Variants in ZNF850 observed in about 807,000 individuals in gnomAD.
ZNF850 encodes putative zinc finger protein ENSP00000330994.
In ZNF850, 2 loss-of-function variants were observed where a neutral mutation model predicts 11.9. The observed-to-expected ratio is 0.17, with a 90% confidence interval of 0.07 to 0.53. The LOEUF (loss-of-function observed/expected upper bound fraction) is 0.53, where lower values mean the gene tolerates loss of function less well. ZNF850 is among the 20% of genes least tolerant of loss of function. The pLI is 0.94. For synonymous variants in ZNF850, 381 were observed against 443.0 expected (o/e 0.86, Z 1.76); for missense variants, 1,014 against 1,316.4 (o/e 0.77, Z 3.55).
At chr19:36,753,230 C>T (rs1222800262) in intron 4 of ZNF850, among the ~76,000 whole-genome samples, 1 of 142,550 alleles carries the variant, frequency 7.0e-6, no homozygotes, top group African/African-American at 2.6e-5. Flanking sequence ...AATTGTGCCA[C>T]TGCATTCCAG....
At chr19:36,757,261 C>T (rs1600610461) in intron 4 of ZNF850, among the ~76,000 whole-genome samples, 2 of 151,922 alleles carry the variant, frequency 1.3e-5, no homozygotes, top group South Asian at 2.1e-4. Flanking sequence ...GTAGATCCGT[C>T]GTGATTATGT....
chr19:36,769,175 T>C (rs1227344573), intron 1 of ZNF850, among the ~76,000 whole-genome samples: 1 of 145,360 alleles, frequency 6.9e-6, no homozygotes, highest in Non-Finnish European at 1.5e-5. Context: ...ACAGGAAGAC[T>C]CACTTGAACC....
chr19:36,764,935 C>T (rs1376858257), intron 1 of ZNF850, among the ~76,000 whole-genome samples: 1 of 151,984 alleles, frequency 6.6e-6, no homozygotes. Flanking sequence ...GATCCACCCA[C>T]CTTGGCTCCC....
At chr19:36,761,522 A>G in intron 4 of ZNF850, 121 bp downstream of exon 4, 1 of 508,416 alleles carries the variant, frequency 2.0e-6, no homozygotes, top group South Asian at 3.4e-5. Flanking sequence ...GTCTTAGGCC[A>G]CCACCCTTAC....
Position 36,752,831 on chromosome 19 carries a change from G to T in ZNF850, c.236-2027C>A, listed in dbSNP as rs116415273. On this transcript the variant is annotated intron_variant, in intron 4 of 4. Coordinates refer to ENST00000591344, the MANE Select transcript of ZNF850 (RefSeq NM_001193552.2). ...TTAAAAGTCATAAAGAAAAGTCAAAGAATTCATTTGTCTTCCTGAAAGTAA... is the reference window on the plus strand; with the variant it reads ...TTAAAAGTCATAAAGAAAAGTCAAATAATTCATTTGTCTTCCTGAAAGTAA... Among the ~76,000 whole-genome samples the T allele has an allele frequency of 4.1e-3, 622 of 152,218 alleles. 5 individuals carry two copies. Among genetic ancestry groups the T allele is most frequent in the African/African-American group, 0.014 (592 of 41,550 alleles).
In ZNF850 at chr19:36,748,227, G is replaced by C. The variant is rs2040425367; in HGVS notation, c.2813C>G (p.Ser938Ter). The C allele has an allele frequency of 6.4e-7, 1 of 1,552,188 alleles. No individual in the cohort carries two copies. The highest frequency in any genetic ancestry group is 8.7e-7 in the Non-Finnish European group (1 of 1,151,812). Residue 938 changes from serine (S) to a stop codon, truncating the protein, a stop_gained, in exon 5 of 5, where the codon TCA (serine) becomes TGA (stop). Coordinates refer to ENST00000591344, the MANE Select transcript of ZNF850 (RefSeq NM_001193552.2). LOFTEE classifies it low-confidence loss of function (END_TRUNC). ...HECGKAFVRF[S>*]GLTKHHSIHT... Reference sequence around the variant, plus strand: ...AATACTGTGATGTTTGGTGAGTCCTGAGAAACGGACAAAGGCTTTTCCACA... The same window carrying C: ...AATACTGTGATGTTTGGTGAGTCCTCAGAAACGGACAAAGGCTTTTCCACA...
intron 4 of ZNF850, among the ~76,000 whole-genome samples, chr19:36,756,675 A>G (rs1263545130): frequency 6.6e-6 from 1 of 152,012 alleles, no homozygotes; most frequent in Non-Finnish European, 1.5e-5. Flanking sequence ...GTACAATGGC[A>G]TGATCTTGGC....
chr19:36,771,338 C>A (rs1374714083), intron 1 of ZNF850, among the ~76,000 whole-genome samples: 11 of 152,138 alleles, frequency 7.2e-5, no homozygotes, highest in Admixed American at 7.2e-4. Flanking sequence ...GGCCCTGGGA[C>A]CTTAGCCCGG....
intron 1 of ZNF850, among the ~76,000 whole-genome samples, chr19:36,769,643 T>C (rs1264545291): frequency 1.3e-5 from 2 of 152,160 alleles, no homozygotes; most frequent in Admixed American, 6.6e-5. Flanking sequence ...GCGATGGAGT[T>C]GATGGATTCG....
rs769839962 is a variant in ZNF850, at chr19:36,743,582, A to ATGT, written c.*4182_*4184dup. 7 of 151,976 alleles carry ATGT rather than the reference A, an allele frequency of 4.6e-5. No homozygotes were observed. The highest frequency in any genetic ancestry group is 8.8e-5 in the Non-Finnish European group (6 of 68,018). The allele number at this position is 151,976 out of a possible 1,614,324, so 9.4% of individuals were successfully genotyped here. On this transcript the variant is annotated 3_prime_UTR_variant, in exon 5 of 5. Coordinates refer to ENST00000591344, the MANE Select transcript of ZNF850 (RefSeq NM_001193552.2). ...TTTCATCTACTAAAGTAGTTCATCA[A>ATGT]TGTTACAATCCTTAGACAAAAACCA...
chr19:36,764,488 TTATTA>T (rs1212765170), intron 1 of ZNF850, among the ~76,000 whole-genome samples: 3 of 152,110 alleles, frequency 2.0e-5, no homozygotes, highest in African/African-American at 7.2e-5. Flanking sequence ...AGGCTAGAGT[TTATTA>T]TAGCCATTCT....
chr19:36,762,496 G>C (rs1600614158), intron 2 of ZNF850, 65 bp from the exon 3 acceptor site: 2 of 1,532,410 alleles, frequency 1.3e-6, no homozygotes, highest in East Asian at 2.4e-5. Flanking sequence ...TGAAGGAAGA[G>C]ATGGAAGGGT....
chr19:36,747,654 C>A lies in ZNF850; in HGVS notation c.*113G>T, dbSNP rs1036686254. 6.4e-6 allele frequency: 7 copies of A among 1,096,482 alleles called. No individual in the cohort carries two copies. Among genetic ancestry groups the A allele is most frequent in the Non-Finnish European group, 7.4e-6 (6 of 814,464 alleles). The allele number at this position is 1,096,482 out of a possible 1,614,324, so 67.9% of individuals were successfully genotyped here. On this transcript the variant is annotated 3_prime_UTR_variant, in exon 5 of 5. Transcript: ENST00000591344. ...CCGTCTCAAAAAAAAAAAAAAAAGT[C>A]GTAATTCTGGAAAAAGTGAATATGA... is the stretch of plus-strand genomic sequence containing the variant.
At chr19:36,767,716 C>T (rs1148393) in intron 1 of ZNF850, among the ~76,000 whole-genome samples, 44,171 of 150,110 alleles carry the variant, frequency 0.29, 6,892 homozygotes, top group African/African-American at 0.41. Flanking sequence ...GTGACAAGAG[C>T]GAGAATCTGT....
chr19:36,750,185 T>C lies in ZNF850; in HGVS notation c.855A>G (p.Glu285=). 1.3e-6 allele frequency: 2 copies of C among 1,539,180 alleles called. No homozygotes were observed. The highest frequency in any genetic ancestry group is 1.7e-6 in the Non-Finnish European group (2 of 1,146,942). Residue 285 remains glutamate (E), a synonymous_variant, in exon 5 of 5, where the codon GAA becomes GAG. Coordinates refer to ENST00000591344, the MANE Select transcript of ZNF850 (RefSeq NM_001193552.2). ...HTGDKPYECK[E]CGKSFTSGST... is the part of the protein sequence containing the mutation. ...AGCCAGAAGTAAAAGATTTCCCACATTCTTTACATTCATAAGGTTTGTCAC... is the reference window on the plus strand; with the variant it reads ...AGCCAGAAGTAAAAGATTTCCCACACTCTTTACATTCATAAGGTTTGTCAC...
At chr19:36,755,057 C>T (rs541076654) in intron 4 of ZNF850, among the ~76,000 whole-genome samples, 54 of 152,066 alleles carry the variant, frequency 3.6e-4, no homozygotes, top group Non-Finnish European at 5.4e-4. Flanking sequence ...TTCAGCAGTG[C>T]GTGAAGTAAG....
At chr19:36,758,047 G>T (rs555917574) in intron 4 of ZNF850, among the ~76,000 whole-genome samples, 35 of 152,316 alleles carry the variant, frequency 2.3e-4, no homozygotes, top group Non-Finnish European at 4.3e-4. Flanking sequence ...TTAGCCCCAT[G>T]TAGCTAGCGG....
rs56890549 is a variant in ZNF850, at chr19:36,759,731, A to T, written c.235+1912T>A. On this transcript the variant is annotated intron_variant, in intron 4 of 4. Coordinates refer to ENST00000591344, the MANE Select transcript of ZNF850 (RefSeq NM_001193552.2). ...TAATCAAGTTAATAATTAAAAAAAA[A>T]TTTTTTTGTAATGTTCTATGGATAA... 3.5e-3 allele frequency among the ~76,000 whole-genome samples: 530 copies of T among 152,260 alleles called. 1 individual carries two copies. Among genetic ancestry groups the T allele is most frequent in the African/African-American group, 8.6e-3 (356 of 41,548 alleles).
Position 36,750,601 on chromosome 19 carries a change from T to C in ZNF850, c.439A>G (p.Thr147Ala). ...GTCTGTAGGCAGAAAGTTGGTGTTG[T>C]TTCATAAGTCATTATTGCTTTTTCC... ...YLEKAIMTYETTPTFCLQTSL... is the reference protein window; with the variant it reads ...YLEKAIMTYEATPTFCLQTSL... Residue 147 changes from threonine to alanine, a missense_variant, in exon 5 of 5, where the codon ACA (threonine) becomes GCA (alanine). Coordinates refer to ENST00000591344, the MANE Select transcript of ZNF850 (RefSeq NM_001193552.2). 6.5e-7 allele frequency: 1 copy of C among 1,536,180 alleles called. No homozygotes were observed. The highest frequency in any genetic ancestry group is 1.4e-5 in the African/African-American group (1 of 73,174).
Sources: allele counts gnomAD v4.1 joint callset (sites outside exome capture counted in the v4.1 genomes callset), GRCh38; gene constraint gnomAD v4.1.1; transcripts MANE v1.5; gene names NCBI Gene and HGNC (gene_info 2026-07-23, HGNC 2026-07-21).